The following DNAJC5 variants were observed in gnomAD, a reference collection of about 807,000 sequenced individuals.
DNAJC5 encodes the protein DnaJ heat shock protein family (Hsp40) member C5, also known as dnaJ homolog subfamily C member 5.
A neutral mutation model predicts 23.2 loss-of-function variants in DNAJC5; 1 was observed. The observed-to-expected ratio is 0.04, with a 90% CI of 0.02 to 0.20. DNAJC5 has a LOEUF of 0.20. Ranked by LOEUF, DNAJC5 falls within the 10% of genes least tolerant of loss-of-function variation. The pLI is 1.00. For synonymous variants in DNAJC5, 136 were observed against 120.0 expected, an observed-to-expected ratio of 1.13 and a Z score of -0.87; for missense variants, 180 against 267.0, an observed-to-expected ratio of 0.67 and a Z score of 2.27.
At chr20:63,898,110 C>T (rs2053386458) in intron 1 of DNAJC5, among the ~76,000 whole-genome samples, 1 of 152,194 alleles carries the variant, frequency 6.6e-6, no homozygotes, top group African/African-American at 2.4e-5. Flanking sequence ...CTCGAGTCTT[C>T]TCTAGACCAG....
At chr20:63,915,118 G>C (rs909933384) in intron 1 of DNAJC5, among the ~76,000 whole-genome samples, 12 of 152,164 alleles carry the variant, frequency 7.9e-5, no homozygotes, top group Non-Finnish European at 1.3e-4. Flanking sequence ...GGGGCACTGG[G>C]TGGGCCTCAG....
chr20:63,919,414 C>G, intron 1 of DNAJC5: 1 of 491,566 alleles, frequency 2.0e-6, no homozygotes, highest in Non-Finnish European at 4.1e-6. Context: ...GCCCAGGGCC[C>G]AGGACAGCGC....
chr20:63,921,547 T>C (rs1273507183), intron 1 of DNAJC5, among the ~76,000 whole-genome samples: 1 of 148,090 alleles, frequency 6.8e-6, no homozygotes, highest in South Asian at 2.1e-4. Context: ...GCCGAGATAG[T>C]GCCACTGCAC....
chr20:63,924,654 C>G (rs2053597549), intron 1 of DNAJC5, among the ~76,000 whole-genome samples: 1 of 152,204 alleles, frequency 6.6e-6, no homozygotes, highest in African/African-American at 2.4e-5. Context: ...GAGTCCGTGA[C>G]CAGCCTGGAC....
At chr20:63,926,516 G>T (rs1471762827) in intron 1 of DNAJC5, among the ~76,000 whole-genome samples, 5 of 152,220 alleles carry the variant, frequency 3.3e-5, no homozygotes, top group Admixed American at 6.5e-5. Flanking sequence ...GAGGAACGTT[G>T]CCATTATCTG....
Position 63,931,316 on chromosome 20 carries a change from C to G in DNAJC5, c.494-149C>G, listed in dbSNP as rs558503219. ...GAGGGCTGGCGGTGACCCAAGGCGA[C>G]GGAGGAAAGCCGTGTGGGGTGGAGG... On this transcript the variant is annotated intron_variant, in intron 4 of 4. Transcript: ENST00000360864. The surrounding 1 kb of genome is among the most constrained non-coding windows in gnomAD (Gnocchi z 9.6). 4.5e-6 allele frequency: 4 copies of G among 882,302 alleles called. No homozygotes were observed. Among genetic ancestry groups the G allele is most frequent in the Non-Finnish European group, 5.4e-6 (3 of 555,526 alleles). 54.7% of individuals were successfully genotyped at this position (882,302 alleles called of 1,614,324 possible). A position where few individuals can be genotyped will look rare whatever the true frequency, so the allele number is the denominator to read the frequency against.
intron 1 of DNAJC5, among the ~76,000 whole-genome samples, chr20:63,913,875 G>T (rs2053499094): frequency 1.3e-5 from 2 of 152,230 alleles, no homozygotes; most frequent in South Asian, 4.1e-4. Flanking sequence ...CACCGCGCCA[G>T]GCCCTAACAG....
chr20:63,916,860 G>A (rs1376300867), intron 1 of DNAJC5, among the ~76,000 whole-genome samples: 2 of 152,148 alleles, frequency 1.3e-5, no homozygotes, highest in Non-Finnish European at 2.9e-5. Context: ...CCGCTTATAG[G>A]CTCTCTGCAA....
chr20:63,913,663 T>C (rs973568289), intron 1 of DNAJC5, among the ~76,000 whole-genome samples: 6 of 152,290 alleles, frequency 3.9e-5, no homozygotes, highest in African/African-American at 1.2e-4. Flanking sequence ...AACCTCCACC[T>C]CCTGGGTTCA....
At chr20:63,926,099 A>ATTAC (rs1290804847) in intron 1 of DNAJC5, among the ~76,000 whole-genome samples, 1 of 152,160 alleles carries the variant, frequency 6.6e-6, no homozygotes, top group Non-Finnish European at 1.5e-5. Flanking sequence ...AAGTGCTGGG[A>ATTAC]TTACAGGCGT....
At chr20:63,919,001 A>G (rs1462008998) in intron 1 of DNAJC5, among the ~76,000 whole-genome samples, 1 of 152,228 alleles carries the variant, frequency 6.6e-6, no homozygotes, top group Non-Finnish European at 1.5e-5. Flanking sequence ...CTGTTCTTAC[A>G]AAGTTGGCCA....
chr20:63,922,907 G>C (rs142431866), intron 1 of DNAJC5, among the ~76,000 whole-genome samples: 2,415 of 152,328 alleles, frequency 0.016, 34 homozygotes, highest in Non-Finnish European at 0.023. Context: ...TTGGGAGGCT[G>C]AGGCGGGTGG....
At chr20:63,924,797 G>A (rs6011228) in intron 1 of DNAJC5, among the ~76,000 whole-genome samples, 8 of 152,216 alleles carry the variant, frequency 5.3e-5, no homozygotes, top group Non-Finnish European at 1.2e-4. Flanking sequence ...TGATGACTTA[G>A]GATTTTTCTT....
chr20:63,916,727 C>G (rs978729863), intron 1 of DNAJC5, among the ~76,000 whole-genome samples: 1 of 152,156 alleles, frequency 6.6e-6, no homozygotes, highest in East Asian at 1.9e-4. Flanking sequence ...CTTATCTCAA[C>G]CACATAAGAC....
chr20:63,916,830 T>C (rs929573476), intron 1 of DNAJC5, among the ~76,000 whole-genome samples: 17 of 152,200 alleles, frequency 1.1e-4, no homozygotes, highest in African/African-American at 2.9e-4. Flanking sequence ...AATTTAGTGA[T>C]ATCTTCCCTA....
At chr20:63,907,834 C>T (rs747818695) in intron 1 of DNAJC5, among the ~76,000 whole-genome samples, 1 of 152,218 alleles carries the variant, frequency 6.6e-6, no homozygotes, top group Admixed American at 6.5e-5. Context: ...GGCGCGATCT[C>T]GGCTCATTGC....
intron 1 of DNAJC5, among the ~76,000 whole-genome samples, chr20:63,896,681 CTCGCTTAATTT>C (rs1387595470): frequency 1.3e-5 from 2 of 152,176 alleles, no homozygotes; most frequent in Non-Finnish European, 2.9e-5. Context: ...AGTTCCCTTC[CTCGCTTAATTT>C]TCCCACAGCG....
chr20:63,919,013 A>G (rs2053539521), intron 1 of DNAJC5, among the ~76,000 whole-genome samples: 3 of 152,248 alleles, frequency 2.0e-5, no homozygotes, highest in South Asian at 4.1e-4. Context: ...AGTTGGCCAC[A>G]GTTTTTCCCC....
intron 1 of DNAJC5, among the ~76,000 whole-genome samples, chr20:63,897,098 A>G (rs1352977211): frequency 6.6e-6 from 1 of 152,206 alleles, no homozygotes; most frequent in Non-Finnish European, 1.5e-5. Flanking sequence ...AAACGTTTCT[A>G]AAAAGTCAGA....
Sources: gnomAD v4.1 joint callset for allele counts (sites outside exome capture counted in the v4.1 genomes callset) on GRCh38, gnomAD v4.1.1 for gene constraint, Gnocchi (gnomAD v3.1) non-coding constraint, MANE v1.5 for transcripts, NCBI Gene and HGNC (gene_info 2026-07-23, HGNC 2026-07-21) for gene names.